The following STEAP1B variants were observed in gnomAD, a reference collection of about 807,000 sequenced individuals.
The protein encoded by STEAP1B is STEAP family protein MGC87042.
A neutral mutation model predicts 27.9 loss-of-function variants in STEAP1B; 13 were observed. That is an observed-to-expected ratio of 0.47 (90% CI 0.30 to 0.74). STEAP1B has a LOEUF of 0.74. STEAP1B is among the 30% of genes least tolerant of loss of function. The pLI is 0.06. For synonymous variants in STEAP1B, 86 were observed against 107.1 expected, an observed-to-expected ratio of 0.80 and a Z score of 1.22; for missense variants, 250 against 298.7, an observed-to-expected ratio of 0.84 and a Z score of 1.20.
At chr7:22,430,475 A>T (rs1472251278) in intron 4 of STEAP1B, among the ~76,000 whole-genome samples, 1 of 152,256 alleles carries the variant, frequency 6.6e-6, no homozygotes, top group East Asian at 1.9e-4. Flanking sequence ...GAAGTTGTCA[A>T]AGAATATCTT....
intron 4 of STEAP1B, among the ~76,000 whole-genome samples, chr7:22,427,308 T>C (rs1276106481): frequency 6.6e-6 from 1 of 152,222 alleles, no homozygotes; most frequent in Non-Finnish European, 1.5e-5. Context: ...CAATGATTTA[T>C]GACTGACACA....
intron 4 of STEAP1B, among the ~76,000 whole-genome samples, chr7:22,489,107 T>G (rs1786273346): frequency 6.6e-6 from 1 of 151,774 alleles, no homozygotes; most frequent in Admixed American, 6.5e-5. Flanking sequence ...GAAACCCGAG[T>G]TCTCGCCATA....
At chr7:22,483,842 T>C (rs1786128517) in intron 4 of STEAP1B, among the ~76,000 whole-genome samples, 1 of 152,190 alleles carries the variant, frequency 6.6e-6, no homozygotes, top group African/African-American at 2.4e-5. Context: ...ATTTATTAAG[T>C]TCACTGTCTC....
At chr7:22,462,876 C>T (rs1422111983) in intron 4 of STEAP1B, among the ~76,000 whole-genome samples, 9 of 151,978 alleles carry the variant, frequency 5.9e-5, no homozygotes, top group Non-Finnish European at 1.3e-4. Flanking sequence ...TATTTCTCCA[C>T]ATCCTCTCCA....
chr7:22,445,255 T>G (rs117344885), intron 4 of STEAP1B, among the ~76,000 whole-genome samples: 1 of 152,326 alleles, frequency 6.6e-6, no homozygotes, highest in Non-Finnish European at 1.5e-5. Flanking sequence ...CAACAGCAGA[T>G]TTGGAGCCGT....
Position 22,494,872 on chromosome 7 carries a change from T to A in STEAP1B, c.-17A>T, listed in dbSNP as rs753962120. 3 of 1,469,050 alleles carry A rather than the reference T, an allele frequency of 2.0e-6. No homozygotes were observed. In the East Asian group the frequency reaches 7.0e-5, roughly 34 times the overall value. 91.0% of individuals were successfully genotyped at this position (1,469,050 alleles called of 1,614,324 possible). On this transcript the variant is annotated 5_prime_UTR_variant, in exon 2 of 5. Coordinates refer to ENST00000678116, the MANE Select transcript of STEAP1B (RefSeq NM_001382447.1). Reference sequence around the variant, plus strand: ...GCTTTCCATTAATTCTATAAAATAGTATGGCTTCAGCCACCTGTAAAAATA... The same window carrying A: ...GCTTTCCATTAATTCTATAAAATAGAATGGCTTCAGCCACCTGTAAAAATA...
intron 4 of STEAP1B, among the ~76,000 whole-genome samples, chr7:22,477,417 GAC>G (rs1277693754): frequency 6.6e-6 from 1 of 151,982 alleles, no homozygotes; most frequent in Non-Finnish European, 1.5e-5. Context: ...CATCCAGCCT[GAC>G]AAATACATAT....
chr7:22,487,245 G>C (rs981559659), intron 4 of STEAP1B, among the ~76,000 whole-genome samples: 1 of 152,054 alleles, frequency 6.6e-6, no homozygotes, highest in Non-Finnish European at 1.5e-5. Flanking sequence ...GCTGCAGTGA[G>C]CTGTGATCGC....
chr7:22,492,208 A>G (rs1438455296), intron 4 of STEAP1B, among the ~76,000 whole-genome samples: 12 of 150,632 alleles, frequency 8.0e-5, no homozygotes, highest in Non-Finnish European at 1.2e-4. Context: ...AATCCCAGCT[A>G]CTCAGGAGGC....
At chr7:22,442,519 T>C (rs909803675) in intron 4 of STEAP1B, among the ~76,000 whole-genome samples, 2 of 152,222 alleles carry the variant, frequency 1.3e-5, no homozygotes, top group African/African-American at 2.4e-5. Flanking sequence ...AGTCAAGTCT[T>C]GAAGAGCTCT....
At chr7:22,419,885 T>C (rs1785024024) in intron 4 of STEAP1B, 49 bp from the exon 5 acceptor site, 2 of 1,523,872 alleles carry the variant, frequency 1.3e-6, no homozygotes, top group Admixed American at 2.1e-5. Flanking sequence ...GTAGTGACTA[T>C]CACTATATTA....
At chr7:22,490,881 G>C (rs1786310196) in intron 4 of STEAP1B, among the ~76,000 whole-genome samples, 1 of 152,212 alleles carries the variant, frequency 6.6e-6, no homozygotes. Context: ...GATGTAAAGA[G>C]CCAAATTCTC....
At position 22,493,639 on chromosome 7, in the gene STEAP1B, T is replaced by C. The variant is rs760057441; in HGVS notation, c.282A>G (p.Val94=). ...GATGGGAAGTTGCTAAAGGGTGAATTACTTCCCTCAGAAGAGTGTAAAGAA... is the reference window on the plus strand; with the variant it reads ...GATGGGAAGTTGCTAAAGGGTGAATCACTTCCCTCAGAAGAGTGTAAAGAA... ...LTFLYTLLRE[V]IHPLATSHQQ... The change falls in exon 3 of 5, where the codon GTA becomes GTG. Residue 94 remains valine, a synonymous_variant. Transcript: ENST00000678116. The C allele has an allele frequency of 9.3e-6, 15 of 1,613,974 alleles. No individual in the cohort carries two copies. The African/African-American group carries it at 9.3e-5, about 10-fold the overall frequency.
chr7:22,420,822 C>T (rs1266344351), intron 4 of STEAP1B, among the ~76,000 whole-genome samples: 3 of 152,210 alleles, frequency 2.0e-5, no homozygotes, highest in Non-Finnish European at 4.4e-5. Context: ...ACTCTCTAAT[C>T]CTTCAAACAA....
At chr7:22,460,146 C>T (rs775767264) in intron 4 of STEAP1B, among the ~76,000 whole-genome samples, 2 of 151,432 alleles carry the variant, frequency 1.3e-5, no homozygotes, top group African/African-American at 4.9e-5. Context: ...CCCGTCTCTA[C>T]AAAAAAACGT....
chr7:22,450,195 TG>T (rs1240252839), intron 4 of STEAP1B, among the ~76,000 whole-genome samples: 14 of 146,716 alleles, frequency 9.5e-5, no homozygotes, highest in African/African-American at 3.6e-4. Context: ...ATTACTCAAG[TG>T]CTTGTGGAGT....
intron 4 of STEAP1B, among the ~76,000 whole-genome samples, chr7:22,445,668 G>A (rs539691739): frequency 5.3e-4 from 80 of 152,360 alleles, no homozygotes; most frequent in African/African-American, 1.7e-3. Context: ...GGAAGTCCCC[G>A]TGGTGATCCA....
intron 4 of STEAP1B, among the ~76,000 whole-genome samples, chr7:22,447,478 C>T (rs546302459): frequency 2.0e-5 from 3 of 152,160 alleles, no homozygotes; most frequent in East Asian, 1.9e-4. Context: ...TTATATAATA[C>T]ATAGTAGTTC....
chr7:22,436,755 T>C (rs979461135), intron 4 of STEAP1B, among the ~76,000 whole-genome samples: 2 of 152,232 alleles, frequency 1.3e-5, no homozygotes, highest in African/African-American at 4.8e-5. Flanking sequence ...TAGTATTCCA[T>C]GGTGTATACG....
Sources: gnomAD v4.1 joint callset for allele counts (sites outside exome capture counted in the v4.1 genomes callset) on GRCh38, gnomAD v4.1.1 for gene constraint, MANE v1.5 for transcripts, NCBI Gene and HGNC (gene_info 2026-07-23, HGNC 2026-07-21) for gene names.